The following KHDRBS3 variants were observed in gnomAD, a reference collection of about 807,000 sequenced individuals.
The protein encoded by KHDRBS3 is KH RNA binding domain containing, signal transduction associated 3.
KHDRBS3 carries 23 observed loss-of-function variants against 45.6 expected under a neutral mutation model. The ratio of observed to expected loss-of-function variants is 0.50; its 90% CI spans 0.36 to 0.72. The LOEUF is 0.72. Ranked by LOEUF, KHDRBS3 falls within the 30% of genes least tolerant of loss-of-function variation. KHDRBS3 has a pLI of 0.00. For synonymous variants in KHDRBS3, 162 were observed against 156.5 expected (o/e 1.04, Z -0.26); for missense variants, 352 against 424.8 (o/e 0.83, Z 1.51).
At chr8:135,533,983 A>T (rs780553464) in intron 2 of KHDRBS3, among the ~76,000 whole-genome samples, 1 of 152,214 alleles carries the variant, frequency 6.6e-6, no homozygotes, top group Non-Finnish European at 1.5e-5. Context: ...GGATACTGGA[A>T]ATAAAGTTTC....
chr8:135,644,405 C>T (rs907272401), intron 7 of KHDRBS3, among the ~76,000 whole-genome samples: 1 of 152,216 alleles, frequency 6.6e-6, no homozygotes, highest in African/African-American at 2.4e-5. Context: ...TCCCTGCTCT[C>T]CTGTCCCATG....
At chr8:135,582,162 C>T in intron 6 of KHDRBS3, 89 bp downstream of exon 6, 3 of 1,282,548 alleles carry the variant, frequency 2.3e-6, no homozygotes, top group Non-Finnish European at 3.1e-6. Flanking sequence ...TACGCTTCCT[C>T]ACCTTGTTTT....
chr8:135,604,054 C>T (rs1303270205), intron 6 of KHDRBS3, among the ~76,000 whole-genome samples: 1 of 151,588 alleles, frequency 6.6e-6, no homozygotes, highest in Non-Finnish European at 1.5e-5. Flanking sequence ...CCCTTTAATT[C>T]TGGTAGTTTT....
intron 7 of KHDRBS3, among the ~76,000 whole-genome samples, chr8:135,616,783 T>C (rs2131068806): frequency 6.6e-6 from 1 of 152,342 alleles, no homozygotes; most frequent in South Asian, 2.1e-4. Context: ...GAATTTTAAG[T>C]CTGTAAGATA....
intron 4 of KHDRBS3, among the ~76,000 whole-genome samples, chr8:135,655,080 A>C (rs1831504993): frequency 6.6e-6 from 1 of 152,222 alleles, no homozygotes; most frequent in African/African-American, 2.4e-5. Flanking sequence ...CACATTTTAT[A>C]AACCTGAAAG....
chr8:135,501,895 C>A (rs1823753865), intron 1 of KHDRBS3, among the ~76,000 whole-genome samples: 1 of 152,170 alleles, frequency 6.6e-6, no homozygotes, highest in African/African-American at 2.4e-5. Flanking sequence ...CGTATGAATT[C>A]TTTCACTGAA....
chr8:135,554,785 A>G (rs1373488081), intron 4 of KHDRBS3, among the ~76,000 whole-genome samples: 1 of 152,024 alleles, frequency 6.6e-6, no homozygotes, highest in South Asian at 2.1e-4. Context: ...CATTTTTTGC[A>G]TTCTGCTTTT....
intron 7 of KHDRBS3, among the ~76,000 whole-genome samples, chr8:135,636,095 C>G (rs1830799619): frequency 6.6e-6 from 1 of 152,148 alleles, no homozygotes; most frequent in African/African-American, 2.4e-5. Context: ...ACCAGATACC[C>G]AAGTCTGAGT....
intron 1 of KHDRBS3, among the ~76,000 whole-genome samples, chr8:135,492,917 ATATCT>A (rs1370001639): frequency 1.3e-5 from 2 of 152,284 alleles, no homozygotes; most frequent in African/African-American, 4.8e-5. Flanking sequence ...GGAAGAAATG[ATATCT>A]TAACAATATT....
intron 5 of KHDRBS3, among the ~76,000 whole-genome samples, chr8:135,577,834 G>A (rs1018170438): frequency 6.6e-6 from 1 of 152,164 alleles, no homozygotes; most frequent in African/African-American, 2.4e-5. Flanking sequence ...CTAAGTGGCT[G>A]TATATACTAT....
chr8:135,590,106 A>G (rs1221542302), intron 6 of KHDRBS3, among the ~76,000 whole-genome samples: 1 of 152,206 alleles, frequency 6.6e-6, no homozygotes, highest in Admixed American at 6.5e-5. Flanking sequence ...ACAAACTTAG[A>G]TGGTAGAGCC....
intron 7 of KHDRBS3, among the ~76,000 whole-genome samples, chr8:135,640,494 CT>C (rs1385152451): frequency 1.3e-5 from 2 of 152,146 alleles, no homozygotes; most frequent in Non-Finnish European, 2.9e-5. Context: ...GGTCTCAGTG[CT>C]ATGATTTGTT....
chr8:135,517,233 TG>T (rs1291210173), intron 1 of KHDRBS3, among the ~76,000 whole-genome samples: 3 of 152,226 alleles, frequency 2.0e-5, no homozygotes, highest in African/African-American at 7.2e-5. Flanking sequence ...GAGATGGTAT[TG>T]GTACCTTAAG....
intron 6 of KHDRBS3, among the ~76,000 whole-genome samples, chr8:135,587,677 A>G (rs1828544225): frequency 6.6e-6 from 1 of 152,232 alleles, no homozygotes. Flanking sequence ...TACACATTCA[A>G]TGAGAGCACT....
intron 7 of KHDRBS3, among the ~76,000 whole-genome samples, chr8:135,642,832 C>T (rs1194437350): frequency 6.7e-6 from 1 of 149,328 alleles, no homozygotes; most frequent in African/African-American, 2.5e-5. Context: ...CTCGCTCTGT[C>T]GCCAGGCTGG....
intron 2 of KHDRBS3, among the ~76,000 whole-genome samples, chr8:135,533,007 G>A (rs1263846837): frequency 6.6e-6 from 1 of 151,990 alleles, no homozygotes; most frequent in East Asian, 1.9e-4. Flanking sequence ...TGAATGTTTA[G>A]ATACAGTGCA....
rs1214305397 is a variant in KHDRBS3, at chr8:135,530,723, A to G, written c.207+9368A>G. Among the ~76,000 whole-genome samples, 3 of 152,162 alleles carry G rather than the reference A, an allele frequency of 2.0e-5. No homozygotes were observed. The East Asian group carries it at 5.8e-4, about 29-fold the overall frequency. On this transcript the variant is annotated intron_variant, in intron 2 of 8. Coordinates refer to ENST00000355849, the MANE Select transcript of KHDRBS3 (RefSeq NM_006558.3). Reference sequence around the variant, plus strand: ...TTTCCTGCGTTTTTTACTTGAGTAAATGACAGACAACAGTGTATTTGAGTA... The same window carrying G: ...TTTCCTGCGTTTTTTACTTGAGTAAGTGACAGACAACAGTGTATTTGAGTA...
At chr8:135,463,755 C>G (rs1394355002) in intron 1 of KHDRBS3, among the ~76,000 whole-genome samples, 7 of 152,162 alleles carry the variant, frequency 4.6e-5, no homozygotes, top group African/African-American at 1.4e-4. Flanking sequence ...ATTGAAACCG[C>G]AAATTGAGTG....
chr8:135,473,865 A>G (rs4302879), intron 1 of KHDRBS3, among the ~76,000 whole-genome samples: 13,105 of 152,272 alleles, frequency 0.086, 749 homozygotes, highest in Non-Finnish European at 0.13. Flanking sequence ...AGGAAGCCCC[A>G]CCTTCTAGCA....
Sources: gnomAD v4.1 joint callset for allele counts (sites outside exome capture counted in the v4.1 genomes callset) on GRCh38, gnomAD v4.1.1 for gene constraint, MANE v1.5 for transcripts, NCBI Gene and HGNC (gene_info 2026-07-23, HGNC 2026-07-21) for gene names.